Variants in AGMO observed in about 807,000 individuals in gnomAD.
The protein encoded by AGMO is glyceryl-ether monooxygenase.
A neutral mutation model predicts 60.2 loss-of-function variants in AGMO; 75 were observed. The observed-to-expected ratio is 1.25, with a 90% CI of 1.03 to 1.51. The LOEUF (loss-of-function observed/expected upper bound fraction) is 1.51. Among genes scored for constraint, AGMO ranks in the 40% most tolerant of loss-of-function variants. The pLI is 0.00. For synonymous variants in AGMO, 261 were observed against 177.1 expected (o/e 1.47, Z -3.76); for missense variants, 763 against 525.5 (o/e 1.45, Z -4.42).
chr7:15,542,582 A>G (rs1285001349), intron 3 of AGMO, among the ~76,000 whole-genome samples: 1 of 152,166 alleles, frequency 6.6e-6, no homozygotes, highest in African/African-American at 2.4e-5. Flanking sequence ...GGCATGAGGA[A>G]GGTTCTTGAA....
chr7:15,445,971 G>T (rs1213352867), intron 3 of AGMO, among the ~76,000 whole-genome samples: 1 of 152,098 alleles, frequency 6.6e-6, no homozygotes, highest in East Asian at 1.9e-4. Flanking sequence ...AATTTCCTTG[G>T]AGTACCATTT....
chr7:15,475,162 T>C (rs949428744), intron 3 of AGMO, among the ~76,000 whole-genome samples: 1 of 152,142 alleles, frequency 6.6e-6, no homozygotes, highest in Non-Finnish European at 1.5e-5. Flanking sequence ...GAACTAGAAA[T>C]ACCTTTTGTC....
At chr7:15,552,005 A>C (rs1784974568) in intron 2 of AGMO, among the ~76,000 whole-genome samples, 1 of 151,770 alleles carries the variant, frequency 6.6e-6, no homozygotes, top group Non-Finnish European at 1.5e-5. Flanking sequence ...GAGCCCTCAG[A>C]AATAATGCCA....
At chr7:15,376,965 A>G (rs1783482687) in intron 10 of AGMO, among the ~76,000 whole-genome samples, 1 of 152,152 alleles carries the variant, frequency 6.6e-6, no homozygotes, top group Non-Finnish European at 1.5e-5. Context: ...TTATTTATAT[A>G]GAACTTGCAT....
rs574388946 is a variant in AGMO, at chr7:15,429,651, G to C, written c.513+1354C>G. 3.3e-3 allele frequency among the ~76,000 whole-genome samples: 497 copies of C among 152,116 alleles called. 4 individuals are homozygous for C. The highest frequency in any genetic ancestry group is 0.031 in the Middle Eastern group (9 of 294). On this transcript the variant is annotated intron_variant, in intron 4 of 12. Transcript: ENST00000342526. ...GCGTCATCACAGGTGTATGGTGTGG[G>C]AGTTTGAGGGTGAATTCCTGTTAAG...
chr7:15,327,539 A>G (rs996778534), intron 12 of AGMO, among the ~76,000 whole-genome samples: 1 of 152,212 alleles, frequency 6.6e-6, no homozygotes, highest in Non-Finnish European at 1.5e-5. Context: ...ACATCCATAA[A>G]TATTAGACAA....
At chr7:15,222,828 T>C (rs536146267) in intron 12 of AGMO, among the ~76,000 whole-genome samples, 2 of 152,128 alleles carry the variant, frequency 1.3e-5, no homozygotes, top group South Asian at 4.1e-4. Context: ...TTACCCCATA[T>C]ACTTTAGTGT....
chr7:15,207,865 C>T (rs186506115), intron 12 of AGMO, among the ~76,000 whole-genome samples: 74 of 152,264 alleles, frequency 4.9e-4, no homozygotes, highest in Non-Finnish European at 8.4e-4. Context: ...AGCCAGGAGG[C>T]GGAGCTTGCA....
the AGMO span, among the ~76,000 whole-genome samples, chr7:15,141,096 C>T: frequency 7.2e-5 from 11 of 152,214 alleles, no homozygotes; most frequent in African/African-American, 2.4e-4. Context: ...TAAGAACTTT[C>T]ATCTTGTAAA....
chr7:15,507,758 G>C (rs1053516520), intron 3 of AGMO, among the ~76,000 whole-genome samples: 5 of 151,950 alleles, frequency 3.3e-5, no homozygotes, highest in Non-Finnish European at 5.9e-5. Context: ...CAGTCAAGTG[G>C]ATATGTTAAA....
chr7:15,298,516 T>A (rs1200481447), intron 12 of AGMO, among the ~76,000 whole-genome samples: 1 of 152,096 alleles, frequency 6.6e-6, no homozygotes, highest in Non-Finnish European at 1.5e-5. Flanking sequence ...CACCTAAGCC[T>A]CCCAAGTAGC....
At chr7:15,421,483 G>GA (rs1780922258) in intron 4 of AGMO, among the ~76,000 whole-genome samples, 1 of 152,150 alleles carries the variant, frequency 6.6e-6, no homozygotes, top group Admixed American at 6.6e-5. Flanking sequence ...ATAGCCCAGA[G>GA]AAAAGTGATG....
At chr7:15,249,339 A>G (rs917338074) in intron 12 of AGMO, among the ~76,000 whole-genome samples, 12 of 152,164 alleles carry the variant, frequency 7.9e-5, no homozygotes, top group Non-Finnish European at 1.8e-4. Flanking sequence ...AAGTGTGGAA[A>G]GAGGGAGAAG....
chr7:15,395,218 G>A (rs2128487190), intron 5 of AGMO, among the ~76,000 whole-genome samples: 1 of 152,254 alleles, frequency 6.6e-6, no homozygotes, highest in Admixed American at 6.5e-5. Flanking sequence ...CCGTTTGGAG[G>A]ACATATGAGG....
chr7:15,268,758 G>C (rs961231632), intron 12 of AGMO, among the ~76,000 whole-genome samples: 2 of 151,960 alleles, frequency 1.3e-5, no homozygotes, highest in Admixed American at 6.6e-5. Context: ...ATATAAGAGA[G>C]AGGGATGGGG....
At chr7:15,320,583 T>G (rs73062601) in intron 12 of AGMO, among the ~76,000 whole-genome samples, 12,486 of 152,078 alleles carry the variant, frequency 0.082, 729 homozygotes, top group South Asian at 0.23. Flanking sequence ...TAAAAAGGAG[T>G]ATTAAATATA....
At chr7:15,255,969 C>A (rs1043204204) in intron 12 of AGMO, among the ~76,000 whole-genome samples, 13 of 152,078 alleles carry the variant, frequency 8.5e-5, no homozygotes, top group African/African-American at 2.7e-4. Flanking sequence ...GAACAGATAT[C>A]AGGGAGGTGA....
chr7:15,545,356 G>T (rs760374497), intron 2 of AGMO, among the ~76,000 whole-genome samples: 6 of 152,074 alleles, frequency 3.9e-5, no homozygotes, highest in Non-Finnish European at 7.4e-5. Context: ...ATATTTTAAA[G>T]GGTGCTGCAA....
chr7:15,214,570 G>A (rs894261799), intron 12 of AGMO, among the ~76,000 whole-genome samples: 3 of 151,952 alleles, frequency 2.0e-5, no homozygotes, highest in African/African-American at 7.2e-5. Context: ...CTATATGCAG[G>A]TTTCTCACAA....
Sources: gnomAD v4.1 joint callset for allele counts (sites outside exome capture counted in the v4.1 genomes callset) on GRCh38, gnomAD v4.1.1 for gene constraint, MANE v1.5 for transcripts, NCBI Gene and HGNC (gene_info 2026-07-23, HGNC 2026-07-21) for gene names.